Variants in GSDMD observed in about 807,000 individuals in gnomAD.
GSDMD encodes gasdermin D.
GSDMD carries 46 observed loss-of-function variants against 46.7 expected under a neutral mutation model. The ratio of observed to expected loss-of-function variants is 0.99; its 90% CI spans 0.78 to 1.26. The LOEUF (loss-of-function observed/expected upper bound fraction) is 1.26. Ranked by LOEUF, GSDMD falls within the 50% of genes most tolerant of loss-of-function variation. GSDMD has a pLI of 0.00. For synonymous variants in GSDMD, 307 were observed against 283.1 expected (o/e 1.08, Z -0.85); for missense variants, 649 against 638.8 (o/e 1.02, Z -0.17).
Position 143,562,886 on chromosome 8 carries a change from GAGCC to G in GSDMD, c.1440_1443del (p.Ser480ArgfsTer26), listed in dbSNP as rs1563908630. Reference sequence around the variant, plus strand: ...CCTCCCTGGCACTGCTATCAGGACTGAGCCAGGAGCCCCACTAGCCTGTGCCCGG... The same window carrying G: ...CCTCCCTGGCACTGCTATCAGGACTGAGGAGCCCCACTAGCCTGTGCCCGG... On this transcript the variant is annotated frameshift_variant, in exon 11 of 11. Coordinates refer to ENST00000262580, the MANE Select transcript of GSDMD (RefSeq NM_024736.7). LOFTEE classifies it high-confidence loss of function. 3.1e-6 allele frequency: 5 copies of G among 1,612,068 alleles called. No individual in the cohort carries two copies. Among genetic ancestry groups the G allele is most frequent in the Non-Finnish European group, 4.2e-6 (5 of 1,179,994 alleles).
At chr8:143,558,555 GC>G in intron 1 of GSDMD, 104 bp downstream of exon 1, 1 of 1,133,890 alleles carries the variant, frequency 8.8e-7, no homozygotes, top group Non-Finnish European at 1.2e-6. Flanking sequence ...CCCAGCGTTC[GC>G]CCAGAAGGCC....
At chr8:143,557,519 G>GCTGTGACGACGGATGC (rs1823337710), upstream of GSDMD, among the ~76,000 whole-genome samples, 3 of 152,176 alleles carry the variant, frequency 2.0e-5, no homozygotes, top group Admixed American at 6.5e-5. Flanking sequence ...GGATGCTGCC[G>GCTGTGACGACGGATGC]TGAACTTTGG....
intron 3 of GSDMD, 59 bp from the exon 4 acceptor site, chr8:143,560,544 G>A (rs747986591): frequency 1.3e-6 from 2 of 1,501,974 alleles, no homozygotes; most frequent in Non-Finnish European, 1.8e-6. Context: ...GGCTGTCAGG[G>A]GAGGGAAGAC....
chr8:143,558,274 C>A, upstream of GSDMD: 3 of 1,455,764 alleles, frequency 2.1e-6, no homozygotes, highest in Middle Eastern at 2.0e-4. Context: ...GAAGAGGGGG[C>A]AGGAAGGGGG....
intron 5 of GSDMD, 38 bp from the exon 6 acceptor site, chr8:143,561,332 G>T (rs1386307568): frequency 6.4e-7 from 1 of 1,574,058 alleles, no homozygotes; most frequent in Admixed American, 1.8e-5. Context: ...GGATCTAGGT[G>T]ACATGCCTGT....
chr8:143,560,472 G>A lies in GSDMD; in HGVS notation c.411-131G>A, dbSNP rs753122193. ...GTGGGGAGCACACGGAGAGGCTGCCGGTGCCCCGGCACCCACAGACCTCTG... is the reference window on the plus strand; with the variant it reads ...GTGGGGAGCACACGGAGAGGCTGCCAGTGCCCCGGCACCCACAGACCTCTG... On this transcript the variant is annotated intron_variant, in intron 3 of 10. Coordinates refer to ENST00000262580, the MANE Select transcript of GSDMD (RefSeq NM_024736.7). 1.3e-4 allele frequency: 122 copies of A among 961,578 alleles called. No homozygotes were observed. The East Asian group carries it at 1.5e-3, about 12-fold the overall frequency. The allele number at this position is 961,578 out of a possible 1,614,324, so 59.6% of individuals were successfully genotyped here.
At chr8:143,561,704 G>A (rs201025229) in intron 6 of GSDMD, 38 bp from the exon 7 acceptor site, 21 of 1,534,242 alleles carry the variant, frequency 1.4e-5, no homozygotes, top group South Asian at 1.0e-4. Context: ...ACCCTTCCCC[G>A]GCACTGACCA....
intron 9 of GSDMD, 29 bp downstream of exon 9, chr8:143,562,379 G>A (rs2130573808): frequency 6.5e-7 from 1 of 1,543,242 alleles, no homozygotes; most frequent in Non-Finnish European, 8.7e-7. Context: ...CAGGTGGCGG[G>A]TGGGAGGGAG....
At chr8:143,560,206 G>A (rs947774994) in intron 3 of GSDMD, 2 of 695,974 alleles carry the variant, frequency 2.9e-6, no homozygotes, top group African/African-American at 3.5e-5. Flanking sequence ...CACAACCTTG[G>A]GGCATCAGGA....
rs968429169 is a variant in GSDMD, at chr8:143,558,445, G to A, written c.-11G>A. 1.7e-5 allele frequency: 26 copies of A among 1,499,640 alleles called. No individual in the cohort carries two copies. Among genetic ancestry groups the A allele is most frequent in the Admixed American group, 6.4e-5 (3 of 46,550 alleles). The allele number at this position is 1,499,640 out of a possible 1,614,324, so 92.9% of individuals were successfully genotyped here. On this transcript the variant is annotated 5_prime_UTR_variant, in exon 1 of 11. Transcript: ENST00000262580. Reference sequence around the variant, plus strand: ...GACGCGCCACCCTCGGGGCGCCGACGGTCACGGTGAGCTGCGCCCCGCCCC... The same window carrying A: ...GACGCGCCACCCTCGGGGCGCCGACAGTCACGGTGAGCTGCGCCCCGCCCC...
chr8:143,560,944 A>G (rs1305969679), intron 4 of GSDMD, 58 bp from the exon 5 acceptor site: 9 of 1,533,360 alleles, frequency 5.9e-6, no homozygotes, highest in Non-Finnish European at 8.1e-6. Context: ...CCCGGCCCGC[A>G]CCCGCACCCC....
chr8:143,561,476 C>T, intron 6 of GSDMD, 53 bp downstream of exon 6: 18 of 1,556,430 alleles, frequency 1.2e-5, no homozygotes, highest in Admixed American at 1.7e-5. Context: ...AGCACACTCC[C>T]TGGGCAGTTG....
chr8:143,558,991 A>AGTGGGTCCCTGCG (rs1823381972), intron 1 of GSDMD: 4 of 523,254 alleles, frequency 7.6e-6, no homozygotes, highest in East Asian at 3.8e-5. Context: ...GGGTCCCTGC[A>AGTGGGTCCCTGCG]CCACGCTCAG....
At position 143,562,515 on chromosome 8, in the gene GSDMD, C is replaced by G. The variant is rs139194475; in HGVS notation, c.1206C>G (p.Leu402=). 3.7e-6 allele frequency: 6 copies of G among 1,606,610 alleles called. No individual in the cohort carries two copies. The African/African-American group carries it at 4.0e-5, about 11-fold the overall frequency. ...ALESQTLLGP[L]ELVGSLLEQS... is the part of the protein sequence containing the mutation. ...AGTCGCAGACCCTGTTGGGGCCGCT[C>G]GAGCTGGTGAGAGGGTTGGGTTCGG... is the stretch of plus-strand genomic sequence containing the variant. The change falls in exon 10 of 11, where the codon CTC becomes CTG. Residue 402 remains leucine (L), a synonymous_variant. Coordinates refer to ENST00000262580, the MANE Select transcript of GSDMD (RefSeq NM_024736.7).
In GSDMD at chr8:143,562,438, T is replaced by C; in HGVS notation, c.1139-10T>C. 6.2e-7 allele frequency: 1 copy of C among 1,605,892 alleles called. No homozygotes were observed. Among genetic ancestry groups the C allele is most frequent in the East Asian group, 2.2e-5 (1 of 44,812 alleles). On this transcript the variant is annotated splice_polypyrimidine_tract_variant and intron_variant, in intron 9 of 10. Coordinates refer to ENST00000262580, the MANE Select transcript of GSDMD (RefSeq NM_024736.7). Reference sequence around the variant, plus strand: ...GTTCAGAAACCCCCTTTTACCTGACTCTCTCCCAGTGCTGAGTGAAACGCA... The same window carrying C: ...GTTCAGAAACCCCCTTTTACCTGACCCTCTCCCAGTGCTGAGTGAAACGCA...
rs149736517 is a variant in GSDMD at position 143,561,036 on chromosome 8, C to T, written c.614C>T (p.Thr205Met). 903 of 1,613,032 alleles carry T rather than the reference C, an allele frequency of 5.6e-4. 6 individuals are homozygous for T. The East Asian group carries it at 0.013, about 23-fold the overall frequency. The part of the protein sequence containing the change: ...EGQGHLSQKK[T>M]VTIPSGSTLA... ...CAGGGCCATCTGAGCCAGAAGAAGA[C>T]GGTCACCATCCCCTCAGGCAGCACC... Residue 205 changes from threonine to methionine, a missense_variant, in exon 5 of 11, where the codon ACG becomes ATG. Thr to Met is a moderately conservative substitution (Grantham distance 81). Coordinates refer to ENST00000262580, the MANE Select transcript of GSDMD (RefSeq NM_024736.7).
chr8:143,561,197 G>A (rs1336916772), intron 5 of GSDMD, 93 bp downstream of exon 5: 1 of 1,327,012 alleles, frequency 7.5e-7, no homozygotes. Context: ...GCTGCCGTGG[G>A]CCCCTGGCTG....
At chr8:143,558,170 C>A, upstream of GSDMD, 1 of 726,920 alleles carries the variant, frequency 1.4e-6, no homozygotes, top group Non-Finnish European at 2.1e-6. Flanking sequence ...TAAGAAAAAC[C>A]ACAAAGTGCT....
chr8:143,557,750 G>A, upstream of GSDMD: 1 of 305,268 alleles, frequency 3.3e-6, no homozygotes, highest in Non-Finnish European at 6.5e-6. Context: ...TTGTCAGTGT[G>A]CAGTATCTCT....
Sources: allele counts gnomAD v4.1 joint callset (sites outside exome capture counted in the v4.1 genomes callset), GRCh38; gene constraint gnomAD v4.1.1; transcripts MANE v1.5; gene names NCBI Gene and HGNC (gene_info 2026-07-23, HGNC 2026-07-21).